Variants in CNOT7 observed in about 807,000 individuals in gnomAD.
CNOT7 encodes CCR4-NOT transcription complex subunit 7, also known as BTG1-binding factor 1.
In CNOT7, 4 loss-of-function variants were observed where a neutral mutation model predicts 37.1. That is an observed-to-expected ratio of 0.11 (90% CI 0.05 to 0.25). The LOEUF (loss-of-function observed/expected upper bound fraction) is 0.25, where lower values mean the gene tolerates loss of function less well. CNOT7 is among the 10% of genes least tolerant of loss of function. The pLI is 1.00. For missense variants in CNOT7, 170 were observed against 336.2 expected (o/e 0.51, Z 3.87); for synonymous variants, 128 against 115.6 (o/e 1.11, Z -0.69).
At position 17,225,177 on chromosome 8, in the gene CNOT7, C is replaced by T. The variant is rs1344472313; in HGVS notation, c.*5543G>A. The T allele has an allele frequency of 1.3e-5, 2 of 151,628 alleles. No individual in the cohort carries two copies. Among genetic ancestry groups the T allele is most frequent in the African/African-American group, 4.8e-5 (2 of 41,378 alleles). The allele number at this position is 151,628 out of a possible 1,614,324, so 9.4% of individuals were successfully genotyped here. A position where few individuals can be genotyped will look rare whatever the true frequency, so the allele number is the denominator to read the frequency against. On this transcript the variant is annotated 3_prime_UTR_variant, in exon 7 of 7. Coordinates refer to ENST00000361272, the MANE Select transcript of CNOT7 (RefSeq NM_013354.7). ...GGTCTTGCAAACTTGTATTTCCTAACAATTTGGAAGCCATGATGATAGTCT... is the reference window on the plus strand; with the variant it reads ...GGTCTTGCAAACTTGTATTTCCTAATAATTTGGAAGCCATGATGATAGTCT...
chr8:17,245,044 C>G lies in CNOT7; in HGVS notation c.109G>C (p.Val37Leu). The change falls in exon 2 of 7, where the codon GTT (valine) becomes CTT (leucine). Residue 37 changes from valine (V) to leucine (L), a missense_variant. Physicochemically the swap from Val to Leu is conservative, Grantham distance 32 (BLOSUM62 1). Around this residue, in one of 6 missense-constraint regions of CNOT7, gnomAD observed 18 missense variants for 57.0 expected, o/e 0.32. Transcript: ENST00000361272. ...TCTGCTTGTGGGCATACCATAGCAA[C>G]GTAATTATATTTTCGGATAACTTGA... The part of the protein sequence containing the change: ...IRQVIRKYNY[V>L]AMDTEFPGVV... The G allele has an allele frequency of 6.2e-7, 1 of 1,612,546 alleles. No individual in the cohort carries two copies. Among genetic ancestry groups the G allele is most frequent in the African/African-American group, 1.3e-5 (1 of 74,976 alleles).
intron 4 of CNOT7, 66 bp from the exon 5 acceptor site, chr8:17,234,926 T>G (rs1809140600): frequency 1.4e-6 from 2 of 1,410,410 alleles, no homozygotes; most frequent in South Asian, 1.4e-5. Context: ...AAAAAAAAAG[T>G]TTTTCTGATT....
chr8:17,229,316 A>G lies in CNOT7; in HGVS notation c.*1404T>C, dbSNP rs1808354097. 6.6e-6 allele frequency: 1 copy of G among 152,244 alleles called. No homozygotes were observed. Among genetic ancestry groups the G allele is most frequent in the African/African-American group, 2.4e-5 (1 of 41,446 alleles). 9.4% of individuals were successfully genotyped at this position (152,244 alleles called of 1,614,324 possible). A position where few individuals can be genotyped will look rare whatever the true frequency, so the allele number is the denominator to read the frequency against. On this transcript the variant is annotated 3_prime_UTR_variant, in exon 7 of 7. Coordinates refer to ENST00000361272, the MANE Select transcript of CNOT7 (RefSeq NM_013354.7). ...TTTTGCAAATAATGTTTTGTTTAAA[A>G]AGGACCACCCAGTTACAGCACTGTA...
chr8:17,243,596 C>A (rs2151006858), intron 2 of CNOT7: 1 of 458,412 alleles, frequency 2.2e-6, no homozygotes, highest in Non-Finnish European at 4.4e-6. Context: ...GCTTCTCTGA[C>A]ACAAGGTTTT....
chr8:17,241,926 T>C (rs1042485283), intron 3 of CNOT7: 1 of 152,220 alleles, frequency 6.6e-6, no homozygotes, highest in African/African-American at 2.4e-5. Flanking sequence ...AAGATAATTA[T>C]TTGCTCCATT....
chr8:17,230,949 A>G (rs1808521051), intron 6 of CNOT7, 101 bp from the exon 7 acceptor site: 1 of 788,324 alleles, frequency 1.3e-6, no homozygotes, highest in Non-Finnish European at 2.0e-6. Context: ...TTCACTGACA[A>G]TAATGATGGC....
chr8:17,235,371 G>T (rs891754596), intron 4 of CNOT7, among the ~76,000 whole-genome samples: 2 of 152,118 alleles, frequency 1.3e-5, no homozygotes, highest in African/African-American at 2.4e-5. Flanking sequence ...CTGTAACAAG[G>T]TATTTTCACT....
At chr8:17,239,778 C>A (rs954470975) in intron 3 of CNOT7, among the ~76,000 whole-genome samples, 1 of 152,242 alleles carries the variant, frequency 6.6e-6, no homozygotes, top group Non-Finnish European at 1.5e-5. Flanking sequence ...CAGGCGTGAG[C>A]CACCACGCCC....
intron 5 of CNOT7, 126 bp downstream of exon 5, chr8:17,234,590 T>A: frequency 1.0e-6 from 1 of 979,238 alleles, no homozygotes; most frequent in Non-Finnish European, 1.6e-6. Flanking sequence ...CATGACCAGA[T>A]AATATAATTG....
rs1808118508 is a variant in CNOT7, at chr8:17,225,870, ACATT to A, written c.*4846_*4849del. ...TATCCCTTTATTTATAAATTCTAAC[ACATT>A]TATTTTATAGACATGAGATAACATA... On this transcript the variant is annotated 3_prime_UTR_variant, in exon 7 of 7. Transcript: ENST00000361272. 6.6e-6 allele frequency: 1 copy of A among 151,514 alleles called. No individual in the cohort carries two copies. Among genetic ancestry groups the A allele is most frequent in the Non-Finnish European group, 1.5e-5 (1 of 67,640 alleles). 9.4% of individuals were successfully genotyped at this position (151,514 alleles called of 1,614,324 possible).
Position 17,227,216 on chromosome 8 carries a change from T to C in CNOT7, c.*3504A>G, listed in dbSNP as rs1808219441. On this transcript the variant is annotated 3_prime_UTR_variant, in exon 7 of 7. Coordinates refer to ENST00000361272, the MANE Select transcript of CNOT7 (RefSeq NM_013354.7). Reference sequence around the variant, plus strand: ...ATAAACTTTTTTTCTGCTTCATGCATTTTTCCCAGCATCGGTTGCATCACA... The same window carrying C: ...ATAAACTTTTTTTCTGCTTCATGCACTTTTCCCAGCATCGGTTGCATCACA... The C allele has an allele frequency of 6.6e-6, 1 of 151,890 alleles. No individual in the cohort carries two copies. The highest frequency in any genetic ancestry group is 6.6e-5 in the Admixed American group (1 of 15,224). The allele number at this position is 151,890 out of a possible 1,614,324, so 9.4% of individuals were successfully genotyped here. A position where few individuals can be genotyped will look rare whatever the true frequency, so the allele number is the denominator to read the frequency against.
At position 17,230,582 on chromosome 8, in the gene CNOT7, A is replaced by T; in HGVS notation, c.*138T>A. On this transcript the variant is annotated 3_prime_UTR_variant, in exon 7 of 7. Transcript: ENST00000361272. ...TGAGATAGGAACGGTCATACTTAGT[A>T]CTGAAAGGCAGACAATAAAATGGGC... is the stretch of plus-strand genomic sequence containing the variant. 1 of 572,252 alleles carries T rather than the reference A, an allele frequency of 1.7e-6. No homozygotes were observed. The highest frequency in any genetic ancestry group is 2.9e-6 in the Non-Finnish European group (1 of 342,994). 35.4% of individuals were successfully genotyped at this position (572,252 alleles called of 1,614,324 possible).
Position 17,245,028 on chromosome 8 carries a change from G to C in CNOT7, c.117+8C>G, listed in dbSNP as rs1280547847. 6 of 1,604,814 alleles carry C rather than the reference G, an allele frequency of 3.7e-6. No individual in the cohort carries two copies. The highest frequency in any genetic ancestry group is 5.1e-6 in the Non-Finnish European group (6 of 1,172,574). On this transcript the variant is annotated splice_region_variant and intron_variant, in intron 2 of 6. Transcript: ENST00000361272. ...TGAAGCGTTTTAAAGATCTGCTTGTGGGCATACCATAGCAACGTAATTATA... is the reference window on the plus strand; with the variant it reads ...TGAAGCGTTTTAAAGATCTGCTTGTCGGCATACCATAGCAACGTAATTATA...
rs745645883 is a variant in CNOT7 at position 17,228,070 on chromosome 8, C to CTT, written c.*2648_*2649dup. 2 of 151,830 alleles carry CTT rather than the reference C, an allele frequency of 1.3e-5. No individual in the cohort carries two copies. Among genetic ancestry groups the CTT allele is most frequent in the Non-Finnish European group, 2.9e-5 (2 of 67,814 alleles). The allele number at this position is 151,830 out of a possible 1,614,324, so 9.4% of individuals were successfully genotyped here. On this transcript the variant is annotated 3_prime_UTR_variant, in exon 7 of 7. Transcript: ENST00000361272. ...TAGTGTGGCTGCATTCCAATAAAAACTTATAGACACTAAAATTTGAATTTC... is the reference window on the plus strand; with the variant it reads ...TAGTGTGGCTGCATTCCAATAAAAACTTTTATAGACACTAAAATTTGAATTTC...
chr8:17,244,342 CCAA>C (rs778630247), intron 2 of CNOT7: 9 of 152,216 alleles, frequency 5.9e-5, no homozygotes, highest in Non-Finnish European at 1.2e-4. Context: ...AAATTGCAGA[CCAA>C]CAACGTTTCA....
In CNOT7 at chr8:17,230,641, T is replaced by A. The variant is rs532673066; in HGVS notation, c.*79A>T. On this transcript the variant is annotated 3_prime_UTR_variant, in exon 7 of 7. Transcript: ENST00000361272. ...GGGGGGGAAAGGTACTGTCTATTGT[T>A]CGAGGGATTCAACCAGAGATAAAAC... 1.6e-6 allele frequency: 2 copies of A among 1,286,962 alleles called. No individual in the cohort carries two copies. Among genetic ancestry groups the A allele is most frequent in the East Asian group, 5.0e-5 (2 of 40,112 alleles). 79.7% of individuals were successfully genotyped at this position (1,286,962 alleles called of 1,614,324 possible).
In CNOT7 at chr8:17,229,784, A is replaced by G. The variant is rs1345786416; in HGVS notation, c.*936T>C. 1 of 152,114 alleles carries G rather than the reference A, an allele frequency of 6.6e-6. No individual in the cohort carries two copies. The highest frequency in any genetic ancestry group is 1.9e-4 in the East Asian group (1 of 5,182). 9.4% of individuals were successfully genotyped at this position (152,114 alleles called of 1,614,324 possible). A position where few individuals can be genotyped will look rare whatever the true frequency, so the allele number is the denominator to read the frequency against. ...AAGACTTATCTTTGGATTTTTAATA[A>G]AATTGATTTGTGTAACCAACAAATC... is the stretch of plus-strand genomic sequence containing the variant. On this transcript the variant is annotated 3_prime_UTR_variant, in exon 7 of 7. Coordinates refer to ENST00000361272, the MANE Select transcript of CNOT7 (RefSeq NM_013354.7).
At chr8:17,231,869 G>A (rs926540150) in intron 6 of CNOT7, 6 of 985,768 alleles carry the variant, frequency 6.1e-6, no homozygotes, top group Non-Finnish European at 7.2e-6. Context: ...TACTACGTTG[G>A]ATTTATTTGA....
At chr8:17,244,813 T>C (rs922870566) in intron 2 of CNOT7, 1 of 450,890 alleles carries the variant, frequency 2.2e-6, no homozygotes, top group African/African-American at 2.0e-5. Context: ...ATGGTTCCCA[T>C]GAATTCCAGT....
Sources: allele counts gnomAD v4.1 joint callset (sites outside exome capture counted in the v4.1 genomes callset), GRCh38; gene constraint gnomAD v4.1.1; regional missense constraint gnomAD v4.1.1; transcripts MANE v1.5; gene names NCBI Gene and HGNC (gene_info 2026-07-23, HGNC 2026-07-21).